Variants in CAPRIN2 observed in about 807,000 individuals in gnomAD.
The protein encoded by CAPRIN2 is caprin-2.
Under a neutral mutation model 130.4 loss-of-function variants are expected in CAPRIN2, and 66 were observed. That is an observed-to-expected ratio of 0.51 (90% CI 0.42 to 0.62). CAPRIN2 has a LOEUF of 0.62. CAPRIN2 is among the 20% of genes least tolerant of loss of function. The pLI is 0.00. For synonymous variants in CAPRIN2, 471 were observed against 444.1 expected (o/e 1.06, Z -0.76); for missense variants, 1,185 against 1,246.6 (o/e 0.95, Z 0.74).
At chr12:30,747,329 C>T (rs1297437420) in intron 2 of CAPRIN2, among the ~76,000 whole-genome samples, 1 of 152,192 alleles carries the variant, frequency 6.6e-6, no homozygotes, top group East Asian at 1.9e-4. Flanking sequence ...GATAACATAA[C>T]ATACATTCTG....
At chr12:30,752,913 AAAGT>A (rs1307945584) in intron 1 of CAPRIN2, among the ~76,000 whole-genome samples, 1 of 152,132 alleles carries the variant, frequency 6.6e-6, no homozygotes, top group Admixed American at 6.5e-5. Flanking sequence ...TAACACCACA[AAAGT>A]AAGTGGTAAA....
At chr12:30,711,808 A>G (rs111672743) in intron 15 of CAPRIN2, 179 bp from the exon 18 acceptor site, 6 of 697,176 alleles carry the variant, frequency 8.6e-6, no homozygotes, top group African/African-American at 1.8e-5. Context: ...CAAGGGCAAC[A>G]GTGGCATTAC....
intron 2 of CAPRIN2, among the ~76,000 whole-genome samples, chr12:30,748,785 C>T (rs1305001893): frequency 6.6e-6 from 1 of 152,104 alleles, no homozygotes; most frequent in African/African-American, 2.4e-5. Context: ...AAAGACCTAA[C>T]ATTCATTTTA....
chr12:30,723,377 G>A, intron 10 of CAPRIN2, 63 bp from the exon 12 acceptor site: 4 of 1,148,326 alleles, frequency 3.5e-6, no homozygotes, highest in Non-Finnish European at 3.9e-6. Context: ...ATATCAACTA[G>A]GAGGAAACTA....
chr12:30,729,359 A>G (rs1283932538), intron 7 of CAPRIN2, 34 bp from the exon 9 acceptor site: 3 of 1,463,234 alleles, frequency 2.1e-6, no homozygotes, highest in East Asian at 4.5e-5. Context: ...AAGTCACAAA[A>G]TTCATAGAAG....
intron 4 of CAPRIN2, among the ~76,000 whole-genome samples, chr12:30,734,753 T>C (rs2138375792): frequency 6.6e-6 from 1 of 152,064 alleles, no homozygotes; most frequent in Non-Finnish European, 1.5e-5. Flanking sequence ...TCACTTTCCT[T>C]CCAGACAATC....
chr12:30,720,547 T>A, intron 12 of CAPRIN2: 1 of 261,612 alleles, frequency 3.8e-6, no homozygotes, highest in Non-Finnish European at 7.3e-6. Context: ...CTTGACTTAA[T>A]GCTACCTACA....
intron 1 of CAPRIN2, 103 bp downstream of exon 2, chr12:30,753,241 A>G: frequency 1.1e-6 from 1 of 876,810 alleles, no homozygotes; most frequent in Non-Finnish European, 1.8e-6. Context: ...ACCTAAGGTT[A>G]GTTAAATTTT....
rs1209215523 is a variant in CAPRIN2, at chr12:30,733,720, G to C, written c.810-9C>G. 1 of 1,607,938 alleles carries C rather than the reference G, an allele frequency of 6.2e-7. No homozygotes were observed. Among genetic ancestry groups the C allele is most frequent in the Non-Finnish European group, 8.5e-7 (1 of 1,174,478 alleles). ...CCATCTGGTCTTCAACACTGACAAG[G>C]AAAAGCAGCAGCAGAACAAAGTGGC... On this transcript the variant is annotated splice_polypyrimidine_tract_variant and intron_variant, in intron 4 of 16. Transcript: ENST00000298892.
chr12:30,753,280 G>A (rs1340202670), intron 1 of CAPRIN2, 64 bp downstream of exon 2: 2 of 1,400,848 alleles, frequency 1.4e-6, no homozygotes, highest in African/African-American at 2.9e-5. Flanking sequence ...AGCTCTGAAA[G>A]AAAAATGTCA....
At position 30,735,304 on chromosome 12, in the gene CAPRIN2, A is replaced by G. The variant is rs969227312; in HGVS notation, c.571-98T>C. The G allele has an allele frequency of 4.5e-6, 4 of 880,084 alleles. No individual in the cohort carries two copies. The African/African-American group carries it at 5.0e-5, about 11-fold the overall frequency. 54.5% of individuals were successfully genotyped at this position (880,084 alleles called of 1,614,324 possible). On this transcript the variant is annotated intron_variant, in intron 3 of 16. Coordinates refer to ENST00000298892, the Ensembl canonical transcript of CAPRIN2. ...TCTAAACCCAAATAGCTGAGATTAG[A>G]TGATAAATCTCATGACTGTCAAACT...
intron 8 of CAPRIN2, among the ~76,000 whole-genome samples, chr12:30,727,128 T>TA (rs1310795777): frequency 6.6e-6 from 1 of 152,196 alleles, no homozygotes; most frequent in Non-Finnish European, 1.5e-5. Context: ...TCTGCATTGC[T>TA]ACACCTACTG....
intron 3 of CAPRIN2, among the ~76,000 whole-genome samples, chr12:30,736,349 A>G (rs1438126209): frequency 1.3e-5 from 2 of 152,032 alleles, no homozygotes; most frequent in Non-Finnish European, 2.9e-5. Flanking sequence ...TTTTGATTGT[A>G]ACGTTTCCAT....
At chr12:30,743,046 C>G (rs2068234867) in intron 2 of CAPRIN2, among the ~76,000 whole-genome samples, 1 of 151,928 alleles carries the variant, frequency 6.6e-6, no homozygotes. Flanking sequence ...TGGGAACTAC[C>G]TCAACTTTCC....
At chr12:30,749,034 T>C (rs1294500474) in intron 2 of CAPRIN2, among the ~76,000 whole-genome samples, 1 of 152,100 alleles carries the variant, frequency 6.6e-6, no homozygotes, top group Admixed American at 6.5e-5. Context: ...AGTGGAGGTA[T>C]AGTGAGGTGA....
exon 1 of CAPRIN2, chr12:30,754,378 C>T (rs1245148384): frequency 6.5e-6 from 1 of 153,116 alleles, no homozygotes; most frequent in African/African-American, 2.4e-5. Flanking sequence ...ATCCCTTTCT[C>T]CCCCCTTAGG....
Position 30,719,679 on chromosome 12 carries a change from G to A in CAPRIN2, c.2148+1132C>T, listed in dbSNP as rs540193894. 7 of 152,412 alleles carry A rather than the reference G, an allele frequency of 4.6e-5. No homozygotes were observed. The South Asian group carries it at 1.4e-3, about 31-fold the overall frequency. The allele number at this position is 152,412 out of a possible 1,614,324, so 9.4% of individuals were successfully genotyped here. On this transcript the variant is annotated intron_variant, in intron 12 of 16. Transcript: ENST00000298892. ...GCTACCTAAAACAGAAAACAACTCCGATCCAATTTAAGTAATCCTTACCTA... is the reference window on the plus strand; with the variant it reads ...GCTACCTAAAACAGAAAACAACTCCAATCCAATTTAAGTAATCCTTACCTA...
At position 30,740,555 on chromosome 12, in the gene CAPRIN2, T is replaced by C. The variant is rs1223130000; in HGVS notation, c.570+465A>G. Among the ~76,000 whole-genome samples the C allele has an allele frequency of 2.6e-5, 4 of 152,190 alleles. No homozygotes were observed. In the East Asian group the frequency reaches 7.7e-4, roughly 29 times the overall value. ...AACAAGTAGTGAGGCCAGATTTAAC[T>C]CTATTTAACATGAGTCATTAATTTT... On this transcript the variant is annotated intron_variant, in intron 3 of 16. Transcript: ENST00000298892.
Position 30,753,485 on chromosome 12 carries a change from C to T in CAPRIN2, c.279G>A (p.Gln93=), listed in dbSNP as rs1013721872. Residue 93 remains glutamine (Q), a synonymous_variant, in exon 1 of 17, where the codon CAG becomes CAA. Transcript: ENST00000298892. ...TCAAGGCCCGCTGGCTTTCCCCATG[C>T]TGACTGTGGTTCACTTGGGGCTTGG... The T allele has an allele frequency of 2.5e-6, 4 of 1,614,204 alleles. No homozygotes were observed. The South Asian group carries it at 3.3e-5, about 13-fold the overall frequency.
Sources: gnomAD v4.1 joint callset for allele counts (sites outside exome capture counted in the v4.1 genomes callset) on GRCh38, gnomAD v4.1.1 for gene constraint, MANE v1.5 for transcripts, NCBI Gene and HGNC (gene_info 2026-07-23, HGNC 2026-07-21) for gene names.